The following STAT6 variants were observed in gnomAD, a reference collection of about 807,000 sequenced individuals.
STAT6 encodes signal transducer and activator of transcription 6, also known as STAT, interleukin4-induced.
A neutral mutation model predicts 106.3 loss-of-function variants in STAT6; 45 were observed. The ratio of observed to expected loss-of-function variants is 0.42; its 90% confidence interval spans 0.33 to 0.54. STAT6 has a LOEUF of 0.54. STAT6 is among the 20% of genes least tolerant of loss of function. The pLI, the probability that STAT6 is intolerant of heterozygous loss-of-function variation, is 0.06. For missense variants in STAT6, 797 were observed against 1,062.2 expected, an observed-to-expected ratio of 0.75 and a Z score of 3.47; for synonymous variants, 413 against 413.6, an observed-to-expected ratio of 1.00 and a Z score of 0.02.
rs1476271093 is a variant in STAT6 at position 57,111,288 on chromosome 12, AT to A, written c.-182del. On this transcript the variant is annotated 5_prime_UTR_variant, in exon 1 of 22. It removes an upstream start codon present in the reference 5' UTR. Coordinates refer to ENST00000300134, the MANE Select transcript of STAT6 (RefSeq NM_003153.5). The stretch of plus-strand genomic sequence containing the variant: ...AAAATAAGATAAAGCACACACATAC[AT>A]ACACACACACACACACACACACACA... 8.0e-6 allele frequency: 1 copy of A among 124,890 alleles called. No individual in the cohort carries two copies. 7.7% of individuals were successfully genotyped at this position (124,890 alleles called of 1,614,324 possible). A position where few individuals can be genotyped will look rare whatever the true frequency, so the allele number is the denominator to read the frequency against.
rs770220536 is a variant in STAT6, at chr12:57,099,600, A to G, written c.1745-160T>C. ...GACCCACTAGTCTCCGTTCCCACAG[A>G]GCTCACAGTGAGAAGGTGAACATTT... On this transcript the variant is annotated intron_variant, in intron 15 of 21. Transcript: ENST00000300134. The surrounding 1 kb of genome is among the most constrained non-coding windows in gnomAD (Gnocchi z 4.7). Among the ~76,000 whole-genome samples, 1 of 152,174 alleles carries G rather than the reference A, an allele frequency of 6.6e-6. No homozygotes were observed. The highest frequency in any genetic ancestry group is 1.5e-5 in the Non-Finnish European group (1 of 68,036).
Position 57,106,239 on chromosome 12 carries a change from G to A in STAT6, c.632C>T (p.Ala211Val). The change falls in exon 7 of 22, where the codon GCA becomes GTA. Residue 211 changes from alanine (A) to valine (V), a missense_variant. By Grantham distance (64) the Ala-to-Val change is moderately conservative. Around this residue, in one of 4 missense-constraint regions of STAT6, gnomAD observed 336 missense variants for 429.8 expected, o/e 0.78. Transcript: ENST00000300134. The part of the protein sequence containing the change: ...IQIWKRQQQL[A>V]GNGAPFEESL... ...CTCCTCAAACGGTGCGCCATTCCCT[G>A]CCAGCTGCTGCTGCCGTTTCCAAAT... 1 of 1,614,090 alleles carries A rather than the reference G, an allele frequency of 6.2e-7. No individual in the cohort carries two copies. Among genetic ancestry groups the A allele is most frequent in the Non-Finnish European group, 8.5e-7 (1 of 1,180,012 alleles).
At position 57,095,773 on chromosome 12, in the gene STAT6, A is replaced by T. The variant is rs1241084333; in HGVS notation, c.*799T>A. 2 of 152,254 alleles carry T rather than the reference A, an allele frequency of 1.3e-5. No homozygotes were observed. The highest frequency in any genetic ancestry group is 2.4e-5 in the African/African-American group (1 of 41,464). 9.4% of individuals were successfully genotyped at this position (152,254 alleles called of 1,614,324 possible). ...GCACACTTGCTGCTGTCTTCTGTGC[A>T]GTGTCTCACCCTCCCAAATTTGTGT... On this transcript the variant is annotated 3_prime_UTR_variant, in exon 22 of 22. Transcript: ENST00000300134.
At chr12:57,107,841 C>T in intron 2 of STAT6, 98 bp from the exon 3 acceptor site, 1 of 1,505,374 alleles carries the variant, frequency 6.6e-7, no homozygotes, top group East Asian at 2.3e-5. Context: ...TCCTTTCTCG[C>T]TCCTTATTCT....
rs1469838335 is a variant in STAT6 at position 57,098,570 on chromosome 12, G to C, written c.2094C>G (p.His698Gln). ...AGAGGCCTTGATACGGGGGGATGGA[G>C]TGAGAGTGTGGTGGGTACACCTGGG... ...MVPQVYPPHS[H>Q]SIPPYQGLSP... Residue 698 changes from histidine to glutamine, a missense_variant, in exon 19 of 22, where the codon CAC becomes CAG. By Grantham distance (24) the His-to-Gln change is conservative. Transcript: ENST00000300134. The C allele has an allele frequency of 6.2e-7, 1 of 1,614,030 alleles. No homozygotes were observed. The highest frequency in any genetic ancestry group is 1.3e-5 in the African/African-American group (1 of 74,914).
intron 13 of STAT6, 42 bp downstream of exon 13, chr12:57,102,248 G>A (rs1195673976): frequency 1.2e-6 from 2 of 1,603,810 alleles, no homozygotes; most frequent in East Asian, 2.2e-5. Context: ...CCCCAGGGAT[G>A]AAGAGCTTGG....
chr12:57,105,450 G>C lies in STAT6; in HGVS notation c.812+18C>G. 6 of 1,613,806 alleles carry C rather than the reference G, an allele frequency of 3.7e-6. No individual in the cohort carries two copies. Among genetic ancestry groups the C allele is most frequent in the African/African-American group, 1.3e-5 (1 of 75,006 alleles). On this transcript the variant is annotated intron_variant, in intron 8 of 21. Coordinates refer to ENST00000300134, the MANE Select transcript of STAT6 (RefSeq NM_003153.5). ...CCGAGGTCTGTTCTAGGCCAGACTG[G>C]GAGCTCCCGGGGAATACCTGGTGAC...
Position 57,106,824 on chromosome 12 carries a change from T to C in STAT6, c.347A>G (p.His116Arg), listed in dbSNP as rs1040620463. The C allele has an allele frequency of 1.7e-5, 27 of 1,613,848 alleles. No homozygotes were observed. The highest frequency in any genetic ancestry group is 2.2e-5 in the Non-Finnish European group (26 of 1,180,020). The stretch of plus-strand genomic sequence containing the variant: ...CTTCCAGTGGAAAGGCATTGGCAAG[T>C]GGCGGAACTACACAGGAAGGACAGA... Reference protein sequence around the residue: ...EKKAVMEQFRHLPMPFHWKQE... With the variant: ...EKKAVMEQFRRLPMPFHWKQE... The change falls in exon 5 of 22, where the codon CAC (histidine) becomes CGC (arginine). Residue 116 changes from histidine to arginine, a missense_variant. This residue lies in a region of STAT6 where 336 missense variants were observed against 429.8 expected (regional missense o/e 0.78). Transcript: ENST00000300134.
chr12:57,104,948 G>A (rs55869574), intron 9 of STAT6, 135 bp from the exon 10 acceptor site: 2 of 1,237,518 alleles, frequency 1.6e-6, no homozygotes, highest in Non-Finnish European at 2.3e-6. Context: ...TAAGGGAGGA[G>A]TCCCCATCTT....
rs2033349340 is a variant in STAT6 at position 57,095,540 on chromosome 12, G to C, written c.*1032C>G. 1 of 152,652 alleles carries C rather than the reference G, an allele frequency of 6.6e-6. No individual in the cohort carries two copies. Among genetic ancestry groups the C allele is most frequent in the South Asian group, 2.1e-4 (1 of 4,836 alleles). 9.5% of individuals were successfully genotyped at this position (152,652 alleles called of 1,614,324 possible). A position where few individuals can be genotyped will look rare whatever the true frequency, so the allele number is the denominator to read the frequency against. ...GAGTGAAGGGAAGCTGGCGGTGGAT[G>C]GGGCAACAGAAAAGATGCAGCAGGC... On this transcript the variant is annotated 3_prime_UTR_variant, in exon 22 of 22. Transcript: ENST00000300134.
intron 3 of STAT6, 113 bp from the exon 4 acceptor site, chr12:57,107,427 C>T (rs2034342725): frequency 7.6e-7 from 1 of 1,316,902 alleles, no homozygotes; most frequent in Non-Finnish European, 1.1e-6. Flanking sequence ...CAACTGTAGA[C>T]TCCAGAAGTT....
At chr12:57,104,950 C>T in intron 9 of STAT6, 137 bp from the exon 10 acceptor site, 1 of 1,232,528 alleles carries the variant, frequency 8.1e-7, no homozygotes, top group Non-Finnish European at 1.1e-6. Context: ...AGGGAGGAGT[C>T]CCCATCTTGG....
chr12:57,107,251 T>C lies in STAT6; in HGVS notation c.319A>G (p.Lys107Glu). 6.2e-7 allele frequency: 1 copy of C among 1,614,196 alleles called. No homozygotes were observed. The highest frequency in any genetic ancestry group is 1.1e-5 in the South Asian group (1 of 91,090). ...ATFRQILQGE[K>E]KAVMEQFRHL... is the part of the protein sequence containing the mutation. Reference sequence around the variant, plus strand: ...AATACCTGTTCCATAACAGCTTTTTTCTCTCCTTGAAGTATTTGTCTGAAA... The same window carrying C: ...AATACCTGTTCCATAACAGCTTTTTCCTCTCCTTGAAGTATTTGTCTGAAA... The change falls in exon 4 of 22, where the codon AAA becomes GAA. Residue 107 changes from lysine to glutamate, a missense_variant. Coordinates refer to ENST00000300134, the MANE Select transcript of STAT6 (RefSeq NM_003153.5).
chr12:57,098,398 A>T (rs1209571995), intron 19 of STAT6, 107 bp downstream of exon 19: 2 of 1,110,152 alleles, frequency 1.8e-6, no homozygotes, highest in Admixed American at 1.7e-5. Flanking sequence ...AGAAGAAGAC[A>T]GGCTGTTAGC....
At chr12:57,100,753 A>C in intron 13 of STAT6, 1 of 279,648 alleles carries the variant, frequency 3.6e-6, no homozygotes, top group Non-Finnish European at 7.3e-6. Flanking sequence ...AAAGAAAAGA[A>C]AAAAAAACCA....
intron 2 of STAT6, 117 bp downstream of exon 2, chr12:57,108,046 C>G: frequency 1.4e-6 from 1 of 724,758 alleles, no homozygotes; most frequent in South Asian, 1.7e-5. Flanking sequence ...TAGGTCACTA[C>G]ACATGGAATA....
intron 11 of STAT6, 43 bp from the exon 12 acceptor site, chr12:57,102,964 CCTTTTTTTTTTTTTTTTTTTTT>C (rs2034036459): frequency 2.1e-5 from 6 of 279,904 alleles, no homozygotes; most frequent in South Asian, 2.1e-4. Flanking sequence ...TTCTTTCTTT[CCTTTTTTTTTTTTTTTTTTTTT>C]TTTTTTTTTT....
At position 57,099,555 on chromosome 12, in the gene STAT6, T is replaced by C; in HGVS notation, c.1745-115A>G. ...AAGGCAAGGGAGAGAGGACCTAGGG[T>C]GGGGCTCCTGAGGGAGAGAGACCCA... is the stretch of plus-strand genomic sequence containing the variant. On this transcript the variant is annotated intron_variant, in intron 15 of 21. Coordinates refer to ENST00000300134, the MANE Select transcript of STAT6 (RefSeq NM_003153.5). The surrounding 1 kb of genome is among the most constrained non-coding windows in gnomAD (Gnocchi z 4.7). 6.8e-7 allele frequency: 1 copy of C among 1,479,690 alleles called. No homozygotes were observed. Among genetic ancestry groups the C allele is most frequent in the Non-Finnish European group, 9.2e-7 (1 of 1,084,660 alleles). 91.7% of individuals were successfully genotyped at this position (1,479,690 alleles called of 1,614,324 possible).
rs774523306 is a variant in STAT6, at chr12:57,105,187, C to T, written c.965G>A (p.Arg322Gln). The T allele has an allele frequency of 2.8e-5, 45 of 1,613,688 alleles. No individual in the cohort carries two copies. The highest frequency in any genetic ancestry group is 3.7e-5 in the Non-Finnish European group (44 of 1,179,898). The change falls in exon 9 of 22, where the codon CGG (arginine) becomes CAG (glutamine). Residue 322 changes from arginine (R) to glutamine (Q), a missense_variant. Around this residue, in one of 4 missense-constraint regions of STAT6, gnomAD observed 336 missense variants for 429.8 expected, o/e 0.78. Transcript: ENST00000300134. ...RADMVTEKQA[R>Q]ELSVPQGPGA... ...AGGACCCTGAGGCACACTCAGCTCC[C>T]GCGCCTGCTTCTCTGTCACCATGTC...
Sources: gnomAD v4.1 joint callset for allele counts (sites outside exome capture counted in the v4.1 genomes callset) on GRCh38, gnomAD v4.1.1 for gene constraint, gnomAD v4.1.1 regional missense constraint, Gnocchi (gnomAD v3.1) non-coding constraint, MANE v1.5 for transcripts, NCBI Gene and HGNC (gene_info 2026-07-23, HGNC 2026-07-21) for gene names.